Variants in AGMO observed in about 807,000 individuals in gnomAD.
The protein encoded by AGMO is glyceryl-ether monooxygenase.
In AGMO, 75 loss-of-function variants were observed where a neutral mutation model predicts 60.2. That is an observed-to-expected ratio of 1.25 (90% CI 1.03 to 1.51). The LOEUF (loss-of-function observed/expected upper bound fraction) is 1.51. Among genes scored for constraint, AGMO ranks in the 40% most tolerant of loss-of-function variants. The pLI, the probability that AGMO is intolerant of heterozygous loss-of-function variation, is 0.00. For synonymous variants in AGMO, 261 were observed against 177.1 expected (o/e 1.47, Z -3.76); for missense variants, 763 against 525.5 (o/e 1.45, Z -4.42).
intron 10 of AGMO, among the ~76,000 whole-genome samples, chr7:15,369,502 C>T (rs984110221): frequency 5.9e-5 from 9 of 152,126 alleles, no homozygotes; most frequent in Non-Finnish European, 1.3e-4. Flanking sequence ...GTTTCACCTA[C>T]TATTCCTCTG....
intron 6 of AGMO, among the ~76,000 whole-genome samples, chr7:15,391,987 G>A (rs772106120): frequency 1.7e-4 from 26 of 152,302 alleles, no homozygotes; most frequent in Non-Finnish European, 2.8e-4. Flanking sequence ...GTGGGCATGC[G>A]AAGATGAAGT....
At chr7:15,148,510 A>T in the AGMO span, among the ~76,000 whole-genome samples, 43 of 152,044 alleles carry the variant, frequency 2.8e-4, no homozygotes, top group African/African-American at 1.0e-3. Context: ...TGGGCCCTGG[A>T]ATCCATTGTT....
At chr7:15,174,103 C>G in the AGMO span, among the ~76,000 whole-genome samples, 1 of 151,744 alleles carries the variant, frequency 6.6e-6, no homozygotes, top group Non-Finnish European at 1.5e-5. Flanking sequence ...CATTTGGGGA[C>G]TTGGTAATTT....
intron 12 of AGMO, among the ~76,000 whole-genome samples, chr7:15,259,380 G>A (rs1182098366): frequency 1.3e-5 from 2 of 151,956 alleles, no homozygotes; most frequent in South Asian, 4.1e-4. Flanking sequence ...ATTGACAAAT[G>A]AACAAAACCT....
At chr7:15,473,342 C>T (rs1478450954) in intron 3 of AGMO, among the ~76,000 whole-genome samples, 2 of 151,830 alleles carry the variant, frequency 1.3e-5, no homozygotes, top group Non-Finnish European at 2.9e-5. Flanking sequence ...GGTACCATTC[C>T]ATCTAAAACT....
intron 1 of AGMO, 110 bp downstream of exon 1, chr7:15,561,610 G>A (rs1443546346): frequency 9.6e-7 from 1 of 1,047,062 alleles, no homozygotes; most frequent in South Asian, 2.7e-5. Flanking sequence ...ATTATTATTA[G>A]AATGTAATCA....
the AGMO span, among the ~76,000 whole-genome samples, chr7:15,140,302 G>C: frequency 6.6e-6 from 1 of 152,050 alleles, no homozygotes; most frequent in South Asian, 2.1e-4. Flanking sequence ...GCAAACAACT[G>C]TCAGTCAAAT....
the AGMO span, among the ~76,000 whole-genome samples, chr7:15,131,455 C>T: frequency 6.6e-6 from 1 of 152,064 alleles, no homozygotes; most frequent in South Asian, 2.1e-4. Context: ...AATGAGTTGA[C>T]TCTTGTTAGT....
chr7:15,230,814 T>G (rs2128499388), intron 12 of AGMO, among the ~76,000 whole-genome samples: 1 of 152,188 alleles, frequency 6.6e-6, no homozygotes, highest in East Asian at 1.9e-4. Flanking sequence ...CCTAGAGCCT[T>G]TTGTTTGGGA....
In AGMO at chr7:15,436,174, T is replaced by A. The variant is rs143631554; in HGVS notation, c.410-5066A>T. Among the ~76,000 whole-genome samples the A allele has an allele frequency of 1.7e-3, 257 of 152,328 alleles. 1 individual carries two copies. Among genetic ancestry groups the A allele is most frequent in the African/African-American group, 5.9e-3 (245 of 41,578 alleles). ...GCACTTTATGCAACATTTAGCATATTGTACGATGACTATAGAACAGAAGAG... is the reference window on the plus strand; with the variant it reads ...GCACTTTATGCAACATTTAGCATATAGTACGATGACTATAGAACAGAAGAG... On this transcript the variant is annotated intron_variant, in intron 3 of 12. Coordinates refer to ENST00000342526, the MANE Select transcript of AGMO (RefSeq NM_001004320.2).
At chr7:15,367,939 A>G (rs1021579352) in intron 10 of AGMO, among the ~76,000 whole-genome samples, 8 of 152,118 alleles carry the variant, frequency 5.3e-5, no homozygotes, top group African/African-American at 9.7e-5. Flanking sequence ...ACAGTAAACA[A>G]AAGCCACCAG....
At chr7:15,517,383 C>A (rs1455349653) in intron 3 of AGMO, among the ~76,000 whole-genome samples, 1 of 150,344 alleles carries the variant, frequency 6.7e-6, no homozygotes, top group African/African-American at 2.5e-5. Flanking sequence ...GCAAGATGGT[C>A]GAATAGAAAC....
At chr7:15,547,096 T>C (rs1479571544) in intron 2 of AGMO, among the ~76,000 whole-genome samples, 1 of 150,470 alleles carries the variant, frequency 6.6e-6, no homozygotes, top group Non-Finnish European at 1.5e-5. Flanking sequence ...TTGGGCCAAG[T>C]AATTTTTTGT....
chr7:15,248,178 C>CCATATATATATA (rs1390429199), intron 12 of AGMO, among the ~76,000 whole-genome samples: 666 of 23,074 alleles, frequency 0.029, 34 homozygotes, highest in South Asian at 0.095. Context: ...TGATCCAGCA[C>CCATATATATATA]CATATATATA....
intron 12 of AGMO, among the ~76,000 whole-genome samples, chr7:15,322,955 T>C (rs373558599): frequency 6.9e-6 from 1 of 144,470 alleles, no homozygotes; most frequent in Non-Finnish European, 1.5e-5. Flanking sequence ...CATATATATA[T>C]AACACGTGTG....
intron 12 of AGMO, among the ~76,000 whole-genome samples, chr7:15,272,288 C>A (rs1437958639): frequency 8.7e-6 from 1 of 114,922 alleles, no homozygotes; most frequent in Non-Finnish European, 1.7e-5. Context: ...CCTCCCCCCA[C>A]CCCACGACAG....
the AGMO span, among the ~76,000 whole-genome samples, chr7:15,133,238 A>G: frequency 6.6e-6 from 1 of 152,190 alleles, no homozygotes; most frequent in Admixed American, 6.5e-5. Context: ...GCAATAACCT[A>G]TTTAGGAATT....
At chr7:15,368,664 G>C (rs1783081407) in intron 10 of AGMO, among the ~76,000 whole-genome samples, 1 of 152,076 alleles carries the variant, frequency 6.6e-6, no homozygotes, top group Non-Finnish European at 1.5e-5. Context: ...TAGTATTATT[G>C]TTACTATGTT....
At chr7:15,158,054 ATAT>A in the AGMO span, among the ~76,000 whole-genome samples, 2 of 152,188 alleles carry the variant, frequency 1.3e-5, no homozygotes, top group African/African-American at 4.8e-5. Flanking sequence ...AAAATATTAA[ATAT>A]TATATTTTAT....
Sources: allele counts gnomAD v4.1 joint callset (sites outside exome capture counted in the v4.1 genomes callset), GRCh38; gene constraint gnomAD v4.1.1; transcripts MANE v1.5; gene names NCBI Gene and HGNC (gene_info 2026-07-23, HGNC 2026-07-21).